Variants in NPFFR2 observed in about 807,000 individuals in gnomAD.
The protein encoded by NPFFR2 is G-protein coupled receptor 74.
Under a neutral mutation model 13.1 loss-of-function variants are expected in NPFFR2, and 15 were observed. That is an observed-to-expected ratio of 1.15 (90% CI 0.77 to 1.76). The LOEUF (loss-of-function observed/expected upper bound fraction) is 1.76. NPFFR2 is among the 40% of genes most tolerant of loss of function. NPFFR2 has a pLI of 0.00. For synonymous variants in NPFFR2, 190 were observed against 175.7 expected (o/e 1.08, Z -0.65); for missense variants, 572 against 503.5 (o/e 1.14, Z -1.30).
intron 1 of NPFFR2, among the ~76,000 whole-genome samples, chr4:72,044,821 C>T (rs1340012775): frequency 1.3e-5 from 2 of 151,950 alleles, no homozygotes; most frequent in Admixed American, 1.3e-4. Flanking sequence ...GAATAGTTTA[C>T]AATTATTTTC....
chr4:72,038,564 A>C (rs1419880082), intron 1 of NPFFR2, among the ~76,000 whole-genome samples: 1 of 152,128 alleles, frequency 6.6e-6, no homozygotes, highest in Non-Finnish European at 1.5e-5. Context: ...TAGCTAAAAT[A>C]CCAATCAGTA....
intron 1 of NPFFR2, among the ~76,000 whole-genome samples, chr4:72,123,795 A>G (rs1339276732): frequency 6.6e-6 from 1 of 152,238 alleles, no homozygotes. Context: ...TGACAAATCC[A>G]CAGCAAATAT....
intron 1 of NPFFR2, among the ~76,000 whole-genome samples, chr4:72,067,108 T>C (rs1392137625): frequency 6.6e-6 from 1 of 151,776 alleles, no homozygotes; most frequent in Non-Finnish European, 1.5e-5. Context: ...TTGGTGGAGG[T>C]GAAATCATGC....
intron 1 of NPFFR2, among the ~76,000 whole-genome samples, chr4:72,061,986 A>G (rs1199142972): frequency 1.3e-5 from 2 of 152,188 alleles, no homozygotes; most frequent in African/African-American, 4.8e-5. Flanking sequence ...AGAAATTATT[A>G]CTAAAATATA....
chr4:72,123,648 A>G (rs187736618), intron 1 of NPFFR2, among the ~76,000 whole-genome samples: 39 of 152,314 alleles, frequency 2.6e-4, no homozygotes, highest in Non-Finnish European at 4.8e-4. Context: ...CATAAACAGA[A>G]CCAATCACAA....
chr4:72,124,930 A>G (rs917230750), intron 1 of NPFFR2, among the ~76,000 whole-genome samples: 2 of 152,232 alleles, frequency 1.3e-5, no homozygotes, highest in African/African-American at 2.4e-5. Flanking sequence ...ATGAGATCCA[A>G]TGAAACTAAA....
intron 1 of NPFFR2, among the ~76,000 whole-genome samples, chr4:72,109,323 C>T (rs141898471): frequency 7.9e-5 from 12 of 151,990 alleles, no homozygotes; most frequent in Non-Finnish European, 1.6e-4. Flanking sequence ...TGGTAACCAC[C>T]ATTCTATTTT....
At chr4:72,103,070 G>A (rs1185324793) in intron 1 of NPFFR2, among the ~76,000 whole-genome samples, 2 of 152,084 alleles carry the variant, frequency 1.3e-5, no homozygotes, top group Non-Finnish European at 2.9e-5. Flanking sequence ...CATTCTAACT[G>A]GTGTGAGATG....
At chr4:72,134,877 C>T (rs1722358314) in intron 2 of NPFFR2, among the ~76,000 whole-genome samples, 1 of 152,092 alleles carries the variant, frequency 6.6e-6, no homozygotes, top group Admixed American at 6.6e-5. Flanking sequence ...CTCTCTTCAC[C>T]TCTCTTTGTG....
intron 1 of NPFFR2, among the ~76,000 whole-genome samples, chr4:72,088,234 A>C (rs528428197): frequency 2.0e-5 from 3 of 152,038 alleles, no homozygotes; most frequent in Non-Finnish European, 4.4e-5. Flanking sequence ...TGAATGGGTG[A>C]ATTTCTTGGG....
rs551913859 is a variant in NPFFR2 at position 72,125,206 on chromosome 4, G to A, written c.-7-3379G>A. 1.4e-3 allele frequency among the ~76,000 whole-genome samples: 212 copies of A among 152,260 alleles called. 2 individuals carry two copies. Among genetic ancestry groups the A allele is most frequent in the African/African-American group, 4.9e-3 (202 of 41,578 alleles). ...CATCATCACTGGTCATTAGAGAAAT[G>A]CAAATCAAAACTACAATGAGATACC... On this transcript the variant is annotated intron_variant, in intron 1 of 3. Transcript: ENST00000308744.
intron 1 of NPFFR2, among the ~76,000 whole-genome samples, chr4:72,068,713 T>C (rs1720150172): frequency 1.3e-5 from 2 of 151,990 alleles, no homozygotes; most frequent in South Asian, 4.1e-4. Context: ...TCAATTTCCA[T>C]AGAAAAAAAT....
At chr4:72,058,587 C>G (rs1231863746) in intron 1 of NPFFR2, among the ~76,000 whole-genome samples, 1 of 151,912 alleles carries the variant, frequency 6.6e-6, no homozygotes, top group Non-Finnish European at 1.5e-5. Flanking sequence ...TATGATTGTT[C>G]TTCCTTATCA....
At chr4:72,079,087 C>T (rs12648737) in intron 1 of NPFFR2, among the ~76,000 whole-genome samples, 34,617 of 143,084 alleles carry the variant, frequency 0.24, 6,390 homozygotes, top group Admixed American at 0.32. Context: ...CACACACACA[C>T]ATCTGTTGAA....
chr4:72,127,712 C>G (rs146053364), intron 1 of NPFFR2, among the ~76,000 whole-genome samples: 4 of 151,942 alleles, frequency 2.6e-5, no homozygotes, highest in South Asian at 2.1e-4. Context: ...CTAAGTGAAA[C>G]CAAGACAAGT....
In NPFFR2 at chr4:72,093,157, C is replaced by A. The variant is rs74803505; in HGVS notation, c.-7-35428C>A. Among the ~76,000 whole-genome samples, 44 of 152,284 alleles carry A rather than the reference C, an allele frequency of 2.9e-4. No homozygotes were observed. The East Asian group carries it at 8.1e-3, about 28-fold the overall frequency. On this transcript the variant is annotated intron_variant, in intron 1 of 3. Coordinates refer to ENST00000308744, the MANE Select transcript of NPFFR2 (RefSeq NM_004885.3). Reference sequence around the variant, plus strand: ...TTGTTTAAGGGGGCTAAAAATAGGACCCCAACCCTTTTAGCTTGCAGGGTT... The same window carrying A: ...TTGTTTAAGGGGGCTAAAAATAGGAACCCAACCCTTTTAGCTTGCAGGGTT...
intron 2 of NPFFR2, among the ~76,000 whole-genome samples, chr4:72,137,610 A>G (rs1722456963): frequency 1.3e-5 from 2 of 152,162 alleles, no homozygotes; most frequent in Admixed American, 6.5e-5. Context: ...TATTCATTTA[A>G]AGGGCATTAT....
At chr4:72,042,009 T>C (rs1203696112) in intron 1 of NPFFR2, among the ~76,000 whole-genome samples, 1 of 152,174 alleles carries the variant, frequency 6.6e-6, no homozygotes, top group African/African-American at 2.4e-5. Context: ...CACTTGTCAA[T>C]TTTTGTTTTT....
intron 1 of NPFFR2, among the ~76,000 whole-genome samples, chr4:72,069,563 A>G (rs2109782374): frequency 6.6e-6 from 1 of 152,248 alleles, no homozygotes; most frequent in East Asian, 1.9e-4. Context: ...AGATGTTGTT[A>G]TTACTATTAG....
Sources: gnomAD v4.1 joint callset for allele counts (sites outside exome capture counted in the v4.1 genomes callset) on GRCh38, gnomAD v4.1.1 for gene constraint, MANE v1.5 for transcripts, NCBI Gene and HGNC (gene_info 2026-07-23, HGNC 2026-07-21) for gene names.